The following MAGI1 variants were observed in gnomAD, a reference collection of about 807,000 sequenced individuals.
The protein encoded by MAGI1 is membrane associated guanylate kinase, WW and PDZ domain containing 1.
A neutral mutation model predicts 139.9 loss-of-function variants in MAGI1; 58 were observed. The observed-to-expected ratio is 0.41, with a 90% CI of 0.34 to 0.52. The LOEUF is 0.52. Ranked by LOEUF, MAGI1 falls within the 20% of genes least tolerant of loss-of-function variation. MAGI1 has a pLI of 0.12. For synonymous variants in MAGI1, 812 were observed against 737.9 expected, an observed-to-expected ratio of 1.10 and a Z score of -1.63; for missense variants, 1,874 against 1,901.6, an observed-to-expected ratio of 0.99 and a Z score of 0.27.
chr3:65,667,873 C>T lies in MAGI1; in HGVS notation c.314-45785G>A, dbSNP rs762582480. On this transcript the variant is annotated intron_variant, in intron 1 of 22. Transcript: ENST00000402939. ...CCCACCGCACCCAGCCAAGAAGAAA[C>T]CAATTTTTTTTAACACTCCCACCTG... Among the ~76,000 whole-genome samples the T allele has an allele frequency of 2.0e-4, 31 of 152,224 alleles. No individual in the cohort carries two copies. The South Asian group carries it at 5.2e-3, about 25-fold the overall frequency.
At chr3:65,989,416 A>T (rs948940170) in intron 1 of MAGI1, among the ~76,000 whole-genome samples, 1 of 152,156 alleles carries the variant, frequency 6.6e-6, no homozygotes, top group African/African-American at 2.4e-5. Flanking sequence ...ATCTTCCCAC[A>T]TGAGTCTAAT....
intron 1 of MAGI1, among the ~76,000 whole-genome samples, chr3:65,673,424 C>G (rs1254139707): frequency 6.6e-6 from 1 of 152,178 alleles, no homozygotes; most frequent in Non-Finnish European, 1.5e-5. Context: ...AGTTCAACTA[C>G]TTAACTTGTA....
chr3:65,429,539 T>C lies in MAGI1; in HGVS notation c.2148A>G (p.Thr716=). Residue 716 remains threonine (T), a synonymous_variant, in exon 12 of 23, where the codon ACA becomes ACG. Transcript: ENST00000402939. ...ACTTACCTCCTCGTTGCACCAACAA[T>C]GTGACCTCACTTCCCTTAGGACACT... ...LVECPKGSEV[T]LLVQRGGLPV... is the part of the protein sequence containing the mutation. 1.9e-6 allele frequency: 3 copies of C among 1,611,504 alleles called. No individual in the cohort carries two copies. Among genetic ancestry groups the C allele is most frequent in the South Asian group, 1.1e-5 (1 of 90,966 alleles).
intron 1 of MAGI1, among the ~76,000 whole-genome samples, chr3:65,818,861 T>A (rs924466357): frequency 1.3e-5 from 2 of 152,186 alleles, no homozygotes; most frequent in Non-Finnish European, 2.9e-5. Context: ...CCTAGAACAC[T>A]AGCTCCCAGA....
At chr3:65,578,370 A>G (rs966735181) in intron 2 of MAGI1, among the ~76,000 whole-genome samples, 16 of 152,220 alleles carry the variant, frequency 1.1e-4, no homozygotes, top group Non-Finnish European at 1.5e-5. Flanking sequence ...AAGGGAAAAA[A>G]AAGAGGAGGG....
intron 1 of MAGI1, among the ~76,000 whole-genome samples, chr3:65,816,537 A>T (rs1468601728): frequency 6.6e-6 from 1 of 152,154 alleles, no homozygotes. Flanking sequence ...ACAAAGTGGC[A>T]AGTACATGAG....
At chr3:65,490,979 A>G (rs1352238065) in intron 3 of MAGI1, among the ~76,000 whole-genome samples, 1 of 152,196 alleles carries the variant, frequency 6.6e-6, no homozygotes, top group Non-Finnish European at 1.5e-5. Context: ...TCCTGTGCCT[A>G]AGAAAATTCC....
At chr3:65,845,079 C>A (rs113283863) in intron 1 of MAGI1, among the ~76,000 whole-genome samples, 4,405 of 151,984 alleles carry the variant, frequency 0.029, 102 homozygotes, top group Non-Finnish European at 0.043. Flanking sequence ...GGTGAAACCC[C>A]GTCTCTATTA....
chr3:65,801,775 C>T (rs1445578076), intron 1 of MAGI1, among the ~76,000 whole-genome samples: 1 of 152,128 alleles, frequency 6.6e-6, no homozygotes, highest in Non-Finnish European at 1.5e-5. Flanking sequence ...TTTCAATTCA[C>T]TATAAGATTT....
At chr3:65,522,479 A>C (rs2078207285) in intron 2 of MAGI1, among the ~76,000 whole-genome samples, 1 of 152,166 alleles carries the variant, frequency 6.6e-6, no homozygotes, top group Admixed American at 6.5e-5. Context: ...TTCAGGATGA[A>C]ATCTCACAAT....
intron 22 of MAGI1, chr3:65,359,188 G>C: frequency 6.2e-7 from 1 of 1,608,532 alleles, no homozygotes; most frequent in Non-Finnish European, 8.5e-7. Flanking sequence ...AGAACAGTCA[G>C]AGAGAAGGAG....
intron 1 of MAGI1, among the ~76,000 whole-genome samples, chr3:65,996,956 G>C (rs1576404408): frequency 6.6e-6 from 1 of 152,168 alleles, no homozygotes. Context: ...CACCTTGTCA[G>C]GTATTCTATT....
chr3:65,951,273 T>C (rs1285998655), intron 1 of MAGI1, among the ~76,000 whole-genome samples: 1 of 152,222 alleles, frequency 6.6e-6, no homozygotes, highest in African/African-American at 2.4e-5. Context: ...ACTTGTCATA[T>C]ACCTCACATG....
intron 1 of MAGI1, among the ~76,000 whole-genome samples, chr3:65,935,660 A>T (rs1222337846): frequency 6.6e-6 from 1 of 152,118 alleles, no homozygotes; most frequent in Non-Finnish European, 1.5e-5. Context: ...TCACCCTTTG[A>T]ATTTTGGCTG....
At chr3:65,968,763 A>G (rs985931766) in intron 1 of MAGI1, among the ~76,000 whole-genome samples, 3 of 152,072 alleles carry the variant, frequency 2.0e-5, no homozygotes, top group Non-Finnish European at 2.9e-5. Context: ...TTAATTCTAC[A>G]CAGTTTTCTC....
intron 1 of MAGI1, among the ~76,000 whole-genome samples, chr3:65,881,802 C>G (rs1175612297): frequency 6.6e-6 from 1 of 152,078 alleles, no homozygotes; most frequent in Non-Finnish European, 1.5e-5. Flanking sequence ...TTTTTTTTAG[C>G]AACTGGGCTG....
chr3:65,780,765 C>A (rs1028855112), intron 1 of MAGI1, among the ~76,000 whole-genome samples: 1 of 152,170 alleles, frequency 6.6e-6, no homozygotes, highest in African/African-American at 2.4e-5. Context: ...ACCACATTAT[C>A]AACCATGGGT....
chr3:65,911,520 G>A (rs2061669598), intron 1 of MAGI1, among the ~76,000 whole-genome samples: 1 of 151,968 alleles, frequency 6.6e-6, no homozygotes, highest in African/African-American at 2.4e-5. Flanking sequence ...TTCTGCTTAG[G>A]GTGGATTCAG....
intron 1 of MAGI1, among the ~76,000 whole-genome samples, chr3:65,996,773 C>G (rs1257171372): frequency 6.6e-6 from 1 of 152,256 alleles, no homozygotes; most frequent in African/African-American, 2.4e-5. Context: ...GGGCCGGGCA[C>G]TCACGAAGTT....
Sources: allele counts gnomAD v4.1 joint callset (sites outside exome capture counted in the v4.1 genomes callset), GRCh38; gene constraint gnomAD v4.1.1; transcripts MANE v1.5; gene names NCBI Gene and HGNC (gene_info 2026-07-23, HGNC 2026-07-21).